COL10A1: variants seen among roughly 807,000 people sequenced by gnomAD.
The protein encoded by COL10A1 is collagen type X alpha 1 chain, also known as collagen alpha-1(X) chain.
Under a neutral mutation model 18.2 loss-of-function variants are expected in COL10A1, and 10 were observed. The ratio of observed to expected loss-of-function variants is 0.55; its 90% CI spans 0.34 to 0.93. COL10A1 has a LOEUF of 0.93. Ranked by LOEUF, COL10A1 falls within the 40% of genes least tolerant of loss-of-function variation. The pLI, the probability that COL10A1 is intolerant of heterozygous loss-of-function variation, is 0.02. For synonymous variants in COL10A1, 330 were observed against 316.6 expected (o/e 1.04, Z -0.45); for missense variants, 897 against 853.5 (o/e 1.05, Z -0.64).
the COL10A1 span, among the ~76,000 whole-genome samples, chr6:116,204,815 G>T: frequency 1.3e-5 from 2 of 151,968 alleles, no homozygotes; most frequent in Non-Finnish European, 2.9e-5. Flanking sequence ...TCAACAAGTA[G>T]AACAATGAAT....
At chr6:116,151,012 CTT>C (rs770213828) in intron 1 of COL10A1, among the ~76,000 whole-genome samples, 25 of 152,152 alleles carry the variant, frequency 1.6e-4, no homozygotes, top group Non-Finnish European at 2.5e-4. Context: ...ATTAACAACT[CTT>C]TGTGGCATTT....
rs922633569 is a variant in COL10A1, at chr6:116,120,014, T to G, written c.*59A>C. 3 of 1,375,994 alleles carry G rather than the reference T, an allele frequency of 2.2e-6. No individual in the cohort carries two copies. The highest frequency in any genetic ancestry group is 2.3e-5 in the South Asian group (2 of 85,828). The allele number at this position is 1,375,994 out of a possible 1,614,324, so 85.2% of individuals were successfully genotyped here. ...CTACCTCCATATGCATTTTGTAGGG[T>G]GGGGTAGAGTTAGAGAATGCTTTTT... On this transcript the variant is annotated 3_prime_UTR_variant, in exon 3 of 3. Transcript: ENST00000651968.
chr6:116,189,777 T>TC, the COL10A1 span, among the ~76,000 whole-genome samples: 2 of 151,970 alleles, frequency 1.3e-5, no homozygotes, highest in African/African-American at 4.8e-5. Flanking sequence ...GATACAAAAA[T>TC]CCATTCATAT....
At chr6:116,154,029 CTTTT>C (rs34356532) in intron 1 of COL10A1, among the ~76,000 whole-genome samples, 5 of 122,326 alleles carry the variant, frequency 4.1e-5, no homozygotes, top group Non-Finnish European at 7.0e-5. Context: ...GGGAAGATTT[CTTTT>C]TTTTTTTTTT....
At chr6:116,141,528 C>T (rs912901308) in intron 1 of COL10A1, among the ~76,000 whole-genome samples, 2 of 151,966 alleles carry the variant, frequency 1.3e-5, no homozygotes, top group African/African-American at 4.8e-5. Flanking sequence ...CAAGAAAAAA[C>T]GTGGCACCCT....
At chr6:116,154,888 C>A (rs1780145135) in intron 1 of COL10A1, among the ~76,000 whole-genome samples, 7 of 152,056 alleles carry the variant, frequency 4.6e-5, no homozygotes, top group Admixed American at 4.6e-4. Context: ...GTTTTAATAT[C>A]ATTTTTCTTC....
At chr6:116,162,265 A>G (rs1780353794), upstream of COL10A1, among the ~76,000 whole-genome samples, 2 of 152,212 alleles carry the variant, frequency 1.3e-5, no homozygotes, top group African/African-American at 4.8e-5. Flanking sequence ...GGATGCCTTT[A>G]ATTTCTTTCT....
the COL10A1 span, among the ~76,000 whole-genome samples, chr6:116,172,723 G>T: frequency 1.3e-5 from 2 of 152,100 alleles, no homozygotes; most frequent in Admixed American, 1.3e-4. Flanking sequence ...TATTTCCTGA[G>T]AAATTTTAAA....
chr6:116,145,097 A>G (rs1006328872), intron 1 of COL10A1, among the ~76,000 whole-genome samples: 3 of 152,196 alleles, frequency 2.0e-5, no homozygotes, highest in Non-Finnish European at 1.5e-5. Context: ...GTTATAGGAC[A>G]TAAGAACTTC....
intron 1 of COL10A1, among the ~76,000 whole-genome samples, chr6:116,135,857 A>G (rs1264773861): frequency 7.7e-5 from 9 of 117,592 alleles, no homozygotes; most frequent in Middle Eastern, 4.1e-3. Flanking sequence ...ATATATATAT[A>G]TATATATATA....
the COL10A1 span, among the ~76,000 whole-genome samples, chr6:116,179,832 A>G: frequency 1.6e-4 from 25 of 152,220 alleles, no homozygotes; most frequent in East Asian, 1.5e-3. Context: ...GAAAGGCACA[A>G]GAATATACAT....
intron 1 of COL10A1, among the ~76,000 whole-genome samples, chr6:116,136,760 A>C (rs2114350048): frequency 6.6e-6 from 1 of 152,314 alleles, no homozygotes; most frequent in East Asian, 1.9e-4. Flanking sequence ...ACAATAAGCT[A>C]TTCTTGGCCT....
In COL10A1 at chr6:116,120,590, G is replaced by T. The variant is rs1298063802; in HGVS notation, c.1526C>A (p.Pro509His). 6.3e-7 allele frequency: 1 copy of T among 1,587,474 alleles called. No individual in the cohort carries two copies. Among genetic ancestry groups the T allele is most frequent in the South Asian group, 1.2e-5 (1 of 86,586 alleles). Residue 509 changes from proline to histidine, a missense_variant, in exon 3 of 3, where the codon CCC (proline) becomes CAC (histidine). Coordinates refer to ENST00000651968, the MANE Select transcript of COL10A1 (RefSeq NM_000493.4). ...ACCTGGTGGGCCTGGAGGCCCAGGG[G>T]GCCCTGGAAGACCAGGCTCTCCAGA... Reference protein sequence around the residue: ...GHSGEPGLPGPPGPPGPPGQA... With the variant: ...GHSGEPGLPGHPGPPGPPGQA...
At chr6:116,150,810 C>T (rs1780020252) in intron 1 of COL10A1, among the ~76,000 whole-genome samples, 1 of 152,006 alleles carries the variant, frequency 6.6e-6, no homozygotes, top group Non-Finnish European at 1.5e-5. Context: ...ACCTTGGAGT[C>T]TTATATATCT....
chr6:116,201,933 A>T, the COL10A1 span, among the ~76,000 whole-genome samples: 2 of 152,034 alleles, frequency 1.3e-5, no homozygotes, highest in Non-Finnish European at 2.9e-5. Context: ...CCTACAGCTG[A>T]TAATTTTAGG....
chr6:116,156,915 A>C lies in COL10A1; in HGVS notation c.-16+1699T>G, dbSNP rs560540210. Among the ~76,000 whole-genome samples, 21 of 152,260 alleles carry C rather than the reference A, an allele frequency of 1.4e-4. No individual in the cohort carries two copies. In the South Asian group the frequency reaches 3.9e-3, roughly 29 times the overall value. ...TCTCCTCAGGAGCCCAGCTTGTGTA[A>C]GTAGCCCCTGGTGCATTGACCAGCC... is the stretch of plus-strand genomic sequence containing the variant. On this transcript the variant is annotated intron_variant, in intron 1 of 1. Coordinates refer to the COL10A1 transcript ENST00000418500.
At chr6:116,173,001 A>G in the COL10A1 span, among the ~76,000 whole-genome samples, 1 of 152,200 alleles carries the variant, frequency 6.6e-6, no homozygotes, top group Non-Finnish European at 1.5e-5. Context: ...TACATAAGAA[A>G]TTTGATCAGA....
chr6:116,128,592 AC>A (rs1265643636), upstream of COL10A1, among the ~76,000 whole-genome samples: 2 of 152,154 alleles, frequency 1.3e-5, no homozygotes, highest in Admixed American at 1.3e-4. Context: ...TAATTAATTC[AC>A]CTTATGTTTC....
At chr6:116,196,482 G>A in the COL10A1 span, among the ~76,000 whole-genome samples, 20 of 151,330 alleles carry the variant, frequency 1.3e-4, no homozygotes, top group East Asian at 3.3e-3. Context: ...TTTGATCTAG[G>A]GAAAAAAAAG....
Sources: allele counts gnomAD v4.1 joint callset (sites outside exome capture counted in the v4.1 genomes callset), GRCh38; gene constraint gnomAD v4.1.1; transcripts MANE v1.5; gene names NCBI Gene and HGNC (gene_info 2026-07-23, HGNC 2026-07-21).